The following TMEM117 variants were observed in gnomAD, a reference collection of about 807,000 sequenced individuals.
TMEM117 encodes the protein transmembrane protein 117.
In TMEM117, 27 loss-of-function variants were observed where a neutral mutation model predicts 52.4. That is an observed-to-expected ratio of 0.51 (90% CI 0.38 to 0.71). TMEM117 has a LOEUF of 0.71. TMEM117 is among the 30% of genes least tolerant of loss of function. TMEM117 has a pLI of 0.00. For synonymous variants in TMEM117, 215 were observed against 206.3 expected (o/e 1.04, Z -0.36); for missense variants, 556 against 630.5 (o/e 0.88, Z 1.26).
At chr12:43,930,760 A>G (rs1248952892) in intron 2 of TMEM117, among the ~76,000 whole-genome samples, 1 of 152,204 alleles carries the variant, frequency 6.6e-6, no homozygotes, top group African/African-American at 2.4e-5. Flanking sequence ...CTTTCAAATA[A>G]TCTGCCTTTA....
At chr12:44,214,138 ATTTTTTTTTTTTTTT>A (rs773352634) in intron 5 of TMEM117, among the ~76,000 whole-genome samples, 11,235 of 99,506 alleles carry the variant, frequency 0.11, 1,416 homozygotes, top group African/African-American at 0.32. Flanking sequence ...TTTTTTTTTA[ATTTTTTTTTTTTTTT>A]TTTTTTTTTT....
At chr12:43,856,533 C>T (rs1470140375) in intron 2 of TMEM117, among the ~76,000 whole-genome samples, 2 of 152,194 alleles carry the variant, frequency 1.3e-5, no homozygotes, top group Non-Finnish European at 2.9e-5. Flanking sequence ...TCACAATCCT[C>T]CTCCTCCCTC....
intron 5 of TMEM117, among the ~76,000 whole-genome samples, chr12:44,236,055 C>T (rs1324932658): frequency 6.6e-6 from 1 of 151,742 alleles, no homozygotes; most frequent in Non-Finnish European, 1.5e-5. Flanking sequence ...TTTATAATGG[C>T]ATGCCTAGAT....
chr12:44,014,110 C>T (rs1946337134), intron 3 of TMEM117, among the ~76,000 whole-genome samples: 1 of 152,030 alleles, frequency 6.6e-6, no homozygotes, highest in Admixed American at 6.6e-5. Context: ...CAGTGGGAAG[C>T]CGTATTCAGA....
At chr12:44,047,976 A>G (rs1365377083) in intron 3 of TMEM117, among the ~76,000 whole-genome samples, 1 of 152,168 alleles carries the variant, frequency 6.6e-6, no homozygotes, top group East Asian at 1.9e-4. Context: ...AATATTTGGT[A>G]GTATTTTCCA....
In TMEM117 at chr12:44,010,552, G is replaced by A. The variant is rs182920211; in HGVS notation, c.410+66210G>A. Among the ~76,000 whole-genome samples, 80 of 152,140 alleles carry A rather than the reference G, an allele frequency of 5.3e-4. 1 individual carries two copies. The highest frequency in any genetic ancestry group is 8.3e-4 in the South Asian group (4 of 4,792). On this transcript the variant is annotated intron_variant, in intron 3 of 7. Coordinates refer to ENST00000266534, the MANE Select transcript of TMEM117 (RefSeq NM_032256.3). Reference sequence around the variant, plus strand: ...CGTCTGTCTATTTTCTCTTTATTGCGCTTGTTCTTTGCTTCTGTTTTTGTG... The same window carrying A: ...CGTCTGTCTATTTTCTCTTTATTGCACTTGTTCTTTGCTTCTGTTTTTGTG...
rs186053489 is a variant in TMEM117, at chr12:44,056,318, A to G, written c.411-87207A>G. On this transcript the variant is annotated intron_variant, in intron 3 of 7. Transcript: ENST00000266534. ...GTAATGTGCCACTGATGTTCTTCCCAGCATCAGAGGATGAGGGACATTGAC... is the reference window on the plus strand; with the variant it reads ...GTAATGTGCCACTGATGTTCTTCCCGGCATCAGAGGATGAGGGACATTGAC... 7.2e-5 allele frequency among the ~76,000 whole-genome samples: 11 copies of G among 152,270 alleles called. 1 individual carries two copies. The highest frequency in any genetic ancestry group is 6.5e-4 in the Admixed American group (10 of 15,276).
At chr12:44,279,317 G>A (rs748337166) in intron 5 of TMEM117, among the ~76,000 whole-genome samples, 1 of 152,068 alleles carries the variant, frequency 6.6e-6, no homozygotes, top group Non-Finnish European at 1.5e-5. Context: ...TTGGGTAAAC[G>A]CTAATAAAGT....
intron 2 of TMEM117, among the ~76,000 whole-genome samples, chr12:43,857,616 A>G (rs1000334873): frequency 2.0e-5 from 3 of 152,214 alleles, no homozygotes; most frequent in Non-Finnish European, 4.4e-5. Flanking sequence ...TACTTGATTC[A>G]TTTAAAACCA....
At chr12:43,962,814 G>C (rs956834851) in intron 3 of TMEM117, among the ~76,000 whole-genome samples, 5 of 151,994 alleles carry the variant, frequency 3.3e-5, no homozygotes, top group Non-Finnish European at 5.9e-5. Context: ...TGTAGTCCCA[G>C]CTAGTTGGGA....
intron 3 of TMEM117, among the ~76,000 whole-genome samples, chr12:44,033,670 C>A (rs1006541370): frequency 1.3e-5 from 2 of 152,174 alleles, no homozygotes; most frequent in African/African-American, 2.4e-5. Context: ...GGTCATCAGG[C>A]TTTTGGATAA....
chr12:43,933,045 C>CT (rs1412078524), intron 2 of TMEM117, among the ~76,000 whole-genome samples: 4 of 152,148 alleles, frequency 2.6e-5, no homozygotes, highest in Non-Finnish European at 5.9e-5. Context: ...CTTCAGGGGA[C>CT]TATTCTTGAC....
chr12:43,903,494 A>G (rs569201594), intron 2 of TMEM117, among the ~76,000 whole-genome samples: 3 of 152,328 alleles, frequency 2.0e-5, no homozygotes, highest in African/African-American at 7.2e-5. Flanking sequence ...TTGCATTAAT[A>G]ATTTACATTC....
chr12:43,869,531 G>A (rs1393893082), intron 2 of TMEM117, among the ~76,000 whole-genome samples: 1 of 152,120 alleles, frequency 6.6e-6, no homozygotes, highest in Non-Finnish European at 1.5e-5. Flanking sequence ...TGGGCAAATG[G>A]GAATATGCCT....
chr12:44,013,029 T>C (rs1211429627), intron 3 of TMEM117, among the ~76,000 whole-genome samples: 3 of 104,386 alleles, frequency 2.9e-5, no homozygotes, highest in African/African-American at 1.3e-4. Context: ...TCTTTCTTGC[T>C]TTTTTTTTTT....
At chr12:43,918,628 TA>T (rs1484206275) in intron 2 of TMEM117, among the ~76,000 whole-genome samples, 1 of 152,206 alleles carries the variant, frequency 6.6e-6, no homozygotes, top group Non-Finnish European at 1.5e-5. Flanking sequence ...TTTCCTTTTT[TA>T]AAAAACATTA....
At chr12:43,967,532 G>A (rs1373519290) in intron 3 of TMEM117, among the ~76,000 whole-genome samples, 2 of 152,062 alleles carry the variant, frequency 1.3e-5, no homozygotes, top group African/African-American at 2.4e-5. Flanking sequence ...TCTGTATGTC[G>A]TCCTATGGAG....
At chr12:44,206,428 T>A (rs1949568022) in intron 4 of TMEM117, among the ~76,000 whole-genome samples, 1 of 152,210 alleles carries the variant, frequency 6.6e-6, no homozygotes, top group Non-Finnish European at 1.5e-5. Flanking sequence ...TCTCATGGCC[T>A]GTTTATGGCC....
the TMEM117 span, among the ~76,000 whole-genome samples, chr12:43,816,045 T>G: frequency 6.6e-6 from 1 of 152,218 alleles, no homozygotes; most frequent in African/African-American, 2.4e-5. Context: ...TCTTAGGTAG[T>G]TTTTGTGTTG....
Sources: gnomAD v4.1 joint callset for allele counts (sites outside exome capture counted in the v4.1 genomes callset) on GRCh38, gnomAD v4.1.1 for gene constraint, MANE v1.5 for transcripts, NCBI Gene and HGNC (gene_info 2026-07-23, HGNC 2026-07-21) for gene names.